The following PIGG variants were observed in gnomAD, a reference collection of about 807,000 sequenced individuals.
The protein encoded by PIGG is GPI ethanolamine phosphate transferase 2, catalytic subunit.
A neutral mutation model predicts 83.2 loss-of-function variants in PIGG; 70 were observed. That is an observed-to-expected ratio of 0.84 (90% CI 0.69 to 1.03). The LOEUF (loss-of-function observed/expected upper bound fraction) is 1.03. Ranked by LOEUF, PIGG falls within the 50% of genes least tolerant of loss-of-function variation. The pLI, the probability that PIGG is intolerant of heterozygous loss-of-function variation, is 0.00. For missense variants in PIGG, 1,257 were observed against 1,233.6 expected, an observed-to-expected ratio of 1.02 and a Z score of -0.28; for synonymous variants, 532 against 519.5, an observed-to-expected ratio of 1.02 and a Z score of -0.33.
chr4:527,914 A>G, intron 10 of PIGG: 3 of 985,374 alleles, frequency 3.0e-6, no homozygotes, highest in Non-Finnish European at 3.6e-6. Flanking sequence ...AGCTGTTTCC[A>G]TTTATCTCAA....
intron 6 of PIGG, among the ~76,000 whole-genome samples, chr4:519,747 G>A (rs1401441628): frequency 8.3e-6 from 1 of 120,688 alleles, no homozygotes; most frequent in Non-Finnish European, 1.8e-5. Context: ...CTGCAGCAGT[G>A]GGGTGGGCCT....
chr4:516,205 C>G lies in PIGG; in HGVS notation c.1114+20C>G, dbSNP rs754586587. On this transcript the variant is annotated intron_variant, in intron 6 of 12. Transcript: ENST00000453061. ...AAAAAGGTCAGTCAACTCACCGTTTCGAGCTCTGTCAGAGCTGTGTGTTTC... is the reference window on the plus strand; with the variant it reads ...AAAAAGGTCAGTCAACTCACCGTTTGGAGCTCTGTCAGAGCTGTGTGTTTC... 1.9e-6 allele frequency: 3 copies of G among 1,551,828 alleles called. 1 individual carries two copies. Among genetic ancestry groups the G allele is most frequent in the South Asian group, 1.1e-5 (1 of 89,742 alleles).
At chr4:526,663 TC>T (rs1295590551) in intron 9 of PIGG, among the ~76,000 whole-genome samples, 1 of 151,280 alleles carries the variant, frequency 6.6e-6, no homozygotes, top group Non-Finnish European at 1.5e-5. Context: ...GGCATCCACA[TC>T]TGATGGTGGG....
rs770709391 is a variant in PIGG, at chr4:530,765, A to T, written c.2571+20A>T. On this transcript the variant is annotated intron_variant, in intron 11 of 12. Transcript: ENST00000453061. ...TTTCAGGTAGGTTTTCATTATTATCATGGGTAGTAGACTTCATGTTTTACA... is the reference window on the plus strand; with the variant it reads ...TTTCAGGTAGGTTTTCATTATTATCTTGGGTAGTAGACTTCATGTTTTACA... 1 of 1,487,210 alleles carries T rather than the reference A, an allele frequency of 6.7e-7. No homozygotes were observed. Among genetic ancestry groups the T allele is most frequent in the East Asian group, 2.3e-5 (1 of 44,142 alleles). 92.1% of individuals were successfully genotyped at this position (1,487,210 alleles called of 1,614,324 possible).
At chr4:501,691 G>A (rs1402577112) in intron 2 of PIGG, 1 of 153,960 alleles carries the variant, frequency 6.5e-6, no homozygotes, top group African/African-American at 2.4e-5. Context: ...CTTTTTCCTT[G>A]AATTTCTTAC....
chr4:500,704 G>T (rs1717364143), intron 2 of PIGG, 103 bp downstream of exon 2: 3 of 739,650 alleles, frequency 4.1e-6, no homozygotes, highest in South Asian at 3.2e-5. Context: ...TAAGAAAGTG[G>T]AAATTTTGTG....
intron 6 of PIGG, among the ~76,000 whole-genome samples, chr4:519,298 C>CCCTGGCACAGCGCCTGGCACAGTG (rs1181439142): frequency 6.6e-6 from 1 of 152,340 alleles, no homozygotes; most frequent in African/African-American, 2.4e-5. Flanking sequence ...GCTGTGTCTC[C>CCCTGGCACAGCGCCTGGCACAGTG]CCTGGCACAG....
rs1271964479 is a variant in PIGG, at chr4:528,642, T to C, written c.2261+1412T>C. On this transcript the variant is annotated intron_variant, in intron 10 of 12. Coordinates refer to ENST00000453061, the MANE Select transcript of PIGG (RefSeq NM_001127178.3). This position sits in a 1 kb window ranked among gnomAD's most constrained non-coding sequence, Gnocchi z 4.8. Reference sequence around the variant, plus strand: ...GCTGTTGACTTTGGAATCTGAGACTTAGGGCTCATCCAAATGGATGTTACA... The same window carrying C: ...GCTGTTGACTTTGGAATCTGAGACTCAGGGCTCATCCAAATGGATGTTACA... 2 of 985,148 alleles carry C rather than the reference T, an allele frequency of 2.0e-6. No individual in the cohort carries two copies. Among genetic ancestry groups the C allele is most frequent in the Non-Finnish European group, 2.4e-6 (2 of 829,806 alleles). The allele number at this position is 985,148 out of a possible 1,614,324, so 61.0% of individuals were successfully genotyped here.
In PIGG at chr4:521,931, C is replaced by T; in HGVS notation, c.1604C>T (p.Thr535Ile). The change falls in exon 8 of 13, where the codon ACC becomes ATC. Residue 535 changes from threonine to isoleucine, a missense_variant. Thr to Ile is a moderately conservative substitution (Grantham distance 89). Transcript: ENST00000453061. ...VLTNVLVGGN[T>I]PRKNPMHPSS... is the part of the protein sequence containing the mutation. ...ACCAACGTGCTCGTGGGTGGAAACA[C>T]CCCAAGGAAGGTACGTACGGCTGGT... 1 of 1,614,110 alleles carries T rather than the reference C, an allele frequency of 6.2e-7. No individual in the cohort carries two copies. The highest frequency in any genetic ancestry group is 8.5e-7 in the Non-Finnish European group (1 of 1,180,006).
At position 516,061 on chromosome 4, in the gene PIGG, T is replaced by C. The variant is rs11726338; in HGVS notation, c.990T>C (p.Ser330=). Reference sequence around the variant, plus strand: ...TTGGCTTACCGATTCCAAAAGACAGTGTAGGGAGCCTCCTATTCCCAGTTG... The same window carrying C: ...TTGGCTTACCGATTCCAAAAGACAGCGTAGGGAGCCTCCTATTCCCAGTTG... ...IALGLPIPKD[S]VGSLLFPVVE... Residue 330 remains serine (S), a synonymous_variant, in exon 6 of 13, where the codon AGT becomes AGC. Transcript: ENST00000453061. 41,756 of 1,613,996 alleles carry C rather than the reference T, an allele frequency of 0.026. 580 individuals are homozygous for C. The highest frequency in any genetic ancestry group is 0.029 in the Non-Finnish European group (33,874 of 1,179,832).
intron 12 of PIGG, among the ~76,000 whole-genome samples, chr4:535,088 T>C (rs1379187321): frequency 1.3e-5 from 2 of 152,236 alleles, no homozygotes; most frequent in Non-Finnish European, 2.9e-5. Flanking sequence ...TCACCCGCTC[T>C]GTTCACCATA....
chr4:528,475 G>A lies in PIGG; in HGVS notation c.2261+1245G>A, dbSNP rs1465799427. On this transcript the variant is annotated intron_variant, in intron 10 of 12. Coordinates refer to ENST00000453061, the MANE Select transcript of PIGG (RefSeq NM_001127178.3). This position sits in a 1 kb window ranked among gnomAD's most constrained non-coding sequence, Gnocchi z 4.8. Reference sequence around the variant, plus strand: ...TGGAAGTACTTCCTGGCTGAGTGGGGAGTAAGGGGTGGGAGTTAGGGTGAC... The same window carrying A: ...TGGAAGTACTTCCTGGCTGAGTGGGAAGTAAGGGGTGGGAGTTAGGGTGAC... 1.0e-6 allele frequency: 1 copy of A among 985,252 alleles called. No homozygotes were observed. Among genetic ancestry groups the A allele is most frequent in the Non-Finnish European group, 1.2e-6 (1 of 829,904 alleles). 61.0% of individuals were successfully genotyped at this position (985,252 alleles called of 1,614,324 possible). A position where few individuals can be genotyped will look rare whatever the true frequency, so the allele number is the denominator to read the frequency against.
At chr4:531,830 C>T (rs1729140730) in intron 11 of PIGG, 1 of 152,582 alleles carries the variant, frequency 6.6e-6, no homozygotes, top group Admixed American at 6.5e-5. Flanking sequence ...ACGCAAGGCA[C>T]AAGGGTGTCC....
At chr4:537,080 C>G (rs1470892261) in intron 12 of PIGG, 1 of 152,204 alleles carries the variant, frequency 6.6e-6, no homozygotes, top group Non-Finnish European at 1.5e-5. Context: ...TTTTCCTAGT[C>G]AAGAAGCATT....
chr4:527,973 T>C (rs1728119288), intron 10 of PIGG: 2 of 985,324 alleles, frequency 2.0e-6, no homozygotes, highest in Admixed American at 6.1e-5. Context: ...GCATGTCCAC[T>C]GAAGTGTCCT....
chr4:524,839 G>A (rs1426826318), intron 9 of PIGG: 1 of 152,152 alleles, frequency 6.6e-6, no homozygotes, highest in Non-Finnish European at 1.5e-5. Flanking sequence ...TGTGTTTTTA[G>A]TGGAGATGGG....
At chr4:507,186 C>T (rs782407627) in intron 3 of PIGG, among the ~76,000 whole-genome samples, 1 of 152,202 alleles carries the variant, frequency 6.6e-6, no homozygotes, top group Non-Finnish European at 1.5e-5. Flanking sequence ...GCAGTCTTCC[C>T]GCTTCAGCCT....
rs538195546 is a variant in PIGG, at chr4:528,849, C to G, written c.2262-1587C>G. 1.5e-4 allele frequency: 62 copies of G among 400,840 alleles called. 2 individuals are homozygous for G. The South Asian group carries it at 5.7e-3, about 37-fold the overall frequency. 24.8% of individuals were successfully genotyped at this position (400,840 alleles called of 1,614,324 possible). ...CCAGTGTGCCTTTTCTTTCCACACG[C>G]ACTGCCTGGTTCACCTTCTTCCTGT... On this transcript the variant is annotated intron_variant, in intron 10 of 12. Transcript: ENST00000453061. The surrounding 1 kb of genome is among the most constrained non-coding windows in gnomAD (Gnocchi z 4.8).
chr4:516,312 A>G lies in PIGG; in HGVS notation c.1114+127A>G, dbSNP rs1723838032. ...ATTTTTTCATCACTACTCTTTGATGATACAGATTGTGTTTCTGTTTTCTTA... is the reference window on the plus strand; with the variant it reads ...ATTTTTTCATCACTACTCTTTGATGGTACAGATTGTGTTTCTGTTTTCTTA... On this transcript the variant is annotated intron_variant, in intron 6 of 12. Transcript: ENST00000453061. 1.2e-5 allele frequency: 8 copies of G among 652,122 alleles called. No homozygotes were observed. In the South Asian group the frequency reaches 1.3e-4, roughly 10 times the overall value. 40.4% of individuals were successfully genotyped at this position (652,122 alleles called of 1,614,324 possible).
Sources: gnomAD v4.1 joint callset for allele counts (sites outside exome capture counted in the v4.1 genomes callset) on GRCh38, gnomAD v4.1.1 for gene constraint, Gnocchi (gnomAD v3.1) non-coding constraint, MANE v1.5 for transcripts, NCBI Gene and HGNC (gene_info 2026-07-23, HGNC 2026-07-21) for gene names.